Variants in RTN4RL1 observed in about 807,000 individuals in gnomAD.
The protein encoded by RTN4RL1 is reticulon-4 receptor-like 1.
A neutral mutation model predicts 25.6 loss-of-function variants in RTN4RL1; 7 were observed. That is an observed-to-expected ratio of 0.27 (90% confidence interval 0.16 to 0.51). RTN4RL1 has a LOEUF of 0.51. Among genes scored for constraint, RTN4RL1 ranks in the 20% least tolerant of loss-of-function variants. The pLI is 0.97. For synonymous variants in RTN4RL1, 297 were observed against 288.2 expected, an observed-to-expected ratio of 1.03 and a Z score of -0.31; for missense variants, 500 against 615.6, an observed-to-expected ratio of 0.81 and a Z score of 1.99.
At chr17:2,018,757 A>G (rs2151330285) in intron 1 of RTN4RL1, among the ~76,000 whole-genome samples, 1 of 152,138 alleles carries the variant, frequency 6.6e-6, no homozygotes, top group Middle Eastern at 3.4e-3. Context: ...ACACGGAGGA[A>G]TGAGCACAGA....
chr17:1,970,329 T>C (rs1351869587), intron 1 of RTN4RL1, among the ~76,000 whole-genome samples: 1 of 152,160 alleles, frequency 6.6e-6, no homozygotes, highest in Non-Finnish European at 1.5e-5. Context: ...CGAGGATTTC[T>C]CCTCTTAATG....
At position 1,939,185 on chromosome 17, in the gene RTN4RL1, T is replaced by C. The variant is rs368719977; in HGVS notation, c.14-1377A>G. Reference sequence around the variant, plus strand: ...GGCTAACACGGCGAAACCCCGTCTCTACTAAAAATACAAAAAAATTAGCCG... The same window carrying C: ...GGCTAACACGGCGAAACCCCGTCTCCACTAAAAATACAAAAAAATTAGCCG... On this transcript the variant is annotated intron_variant, in intron 1 of 1. Coordinates refer to ENST00000331238, the MANE Select transcript of RTN4RL1 (RefSeq NM_178568.4). Among the ~76,000 whole-genome samples, 22 of 151,630 alleles carry C rather than the reference T, an allele frequency of 1.5e-4. No homozygotes were observed. The East Asian group carries it at 2.3e-3, about 16-fold the overall frequency.
At chr17:1,964,801 T>C (rs113015277) in intron 1 of RTN4RL1, among the ~76,000 whole-genome samples, 11,682 of 147,790 alleles carry the variant, frequency 0.079, 479 homozygotes, top group Non-Finnish European at 0.1. Flanking sequence ...TTTTTTTTTT[T>C]TTTTTGAGAT....
At chr17:2,011,945 C>T (rs899191470) in intron 1 of RTN4RL1, among the ~76,000 whole-genome samples, 1 of 152,058 alleles carries the variant, frequency 6.6e-6, no homozygotes, top group African/African-American at 2.4e-5. Context: ...CTTTTTAAAC[C>T]GCAGGCCTGA....
At chr17:1,976,406 A>G (rs926721648) in intron 1 of RTN4RL1, among the ~76,000 whole-genome samples, 3 of 152,206 alleles carry the variant, frequency 2.0e-5, no homozygotes, top group African/African-American at 7.2e-5. Context: ...TCTCAGTTTC[A>G]CTGTAAGGTT....
intron 1 of RTN4RL1, among the ~76,000 whole-genome samples, chr17:1,938,944 G>A (rs1007233356): frequency 5.3e-5 from 8 of 152,014 alleles, no homozygotes; most frequent in African/African-American, 1.9e-4. Context: ...TACTCAGGAG[G>A]CTGAGGCAGG....
chr17:1,955,169 G>C (rs962106499), intron 1 of RTN4RL1, among the ~76,000 whole-genome samples: 2 of 152,176 alleles, frequency 1.3e-5, no homozygotes, highest in African/African-American at 4.8e-5. Context: ...AGCCCAGGTA[G>C]CATTTAGCAT....
At chr17:1,981,495 C>T (rs926503154) in intron 1 of RTN4RL1, among the ~76,000 whole-genome samples, 1 of 152,206 alleles carries the variant, frequency 6.6e-6, no homozygotes, top group Non-Finnish European at 1.5e-5. Context: ...CTGGGCCTTC[C>T]CTCCCTTTTG....
At chr17:2,005,739 T>TTCTCTC (rs61209329) in intron 1 of RTN4RL1, among the ~76,000 whole-genome samples, 5,186 of 145,070 alleles carry the variant, frequency 0.036, 112 homozygotes, top group African/African-American at 0.046. Context: ...CTCTCTCTCT[T>TTCTCTC]TCTCTCTCTC....
intron 1 of RTN4RL1, among the ~76,000 whole-genome samples, chr17:2,014,560 G>A (rs893649994): frequency 2.0e-5 from 3 of 152,162 alleles, no homozygotes; most frequent in East Asian, 1.9e-4. Flanking sequence ...GGCTGGGCAC[G>A]GTGGCTCATG....
rs886941606 is a variant in RTN4RL1, at chr17:1,948,673, G to A, written c.14-10865C>T. Among the ~76,000 whole-genome samples, 3 of 152,236 alleles carry A rather than the reference G, an allele frequency of 2.0e-5. No homozygotes were observed. In the East Asian group the frequency reaches 5.8e-4, roughly 29 times the overall value. On this transcript the variant is annotated intron_variant, in intron 1 of 1. Coordinates refer to ENST00000331238, the MANE Select transcript of RTN4RL1 (RefSeq NM_178568.4). ...TGATACCATAGGTGTGTTTAGTGGG[G>A]CAGGGGTTACCTCCGTGGCGACGAG...
chr17:2,005,773 T>TC (rs1416312784), intron 1 of RTN4RL1, among the ~76,000 whole-genome samples: 64 of 140,536 alleles, frequency 4.6e-4, no homozygotes, highest in Non-Finnish European at 2.9e-4. Context: ...CTCCTTCTCT[T>TC]TCTTTTTTCT....
chr17:1,961,212 G>A (rs969664824), intron 1 of RTN4RL1, among the ~76,000 whole-genome samples: 3 of 152,210 alleles, frequency 2.0e-5, no homozygotes, highest in Admixed American at 2.0e-4. Flanking sequence ...AAGGAAGGAA[G>A]AAAGCGGTGC....
intron 1 of RTN4RL1, among the ~76,000 whole-genome samples, chr17:2,007,337 AACACACACACACACACACAC>A (rs34669886): frequency 2.9e-5 from 4 of 140,306 alleles, no homozygotes; most frequent in East Asian, 4.2e-4. Context: ...TCACAGCCCC[AACACACACACACACACACAC>A]ACACACACAC....
chr17:2,001,950 G>C (rs905310725), intron 1 of RTN4RL1, among the ~76,000 whole-genome samples: 7 of 151,598 alleles, frequency 4.6e-5, no homozygotes, highest in African/African-American at 1.2e-4. Context: ...GGGAGGGAGT[G>C]GGGGGAGCTC....
chr17:1,969,533 T>C (rs2066808808), intron 1 of RTN4RL1, among the ~76,000 whole-genome samples: 1 of 152,210 alleles, frequency 6.6e-6, no homozygotes, highest in Non-Finnish European at 1.5e-5. Context: ...GATGAGCTGC[T>C]TCCCCTTAGC....
Position 2,025,067 on chromosome 17 carries a change from G to T in RTN4RL1, c.-202C>A. The stretch of plus-strand genomic sequence containing the variant: ...GCGCCGAGGGCACCGGCGCCCGCAA[G>T]CAACCGTGGTGCTGCCCGGCAGCCC... On this transcript the variant is annotated 5_prime_UTR_variant, in exon 1 of 2. Transcript: ENST00000331238. The surrounding 1 kb of genome is among the most constrained non-coding windows in gnomAD (Gnocchi z 4.8). 2.2e-6 allele frequency: 1 copy of T among 445,688 alleles called. No individual in the cohort carries two copies. The highest frequency in any genetic ancestry group is 3.9e-6 in the Non-Finnish European group (1 of 255,478). The allele number at this position is 445,688 out of a possible 1,614,324, so 27.6% of individuals were successfully genotyped here. A position where few individuals can be genotyped will look rare whatever the true frequency, so the allele number is the denominator to read the frequency against.
At chr17:1,966,167 T>C (rs972174883) in intron 1 of RTN4RL1, among the ~76,000 whole-genome samples, 2 of 152,104 alleles carry the variant, frequency 1.3e-5, no homozygotes, top group African/African-American at 4.8e-5. Flanking sequence ...CAGCGCCTAA[T>C]TACATTCCAA....
chr17:1,979,589 C>G (rs986179382), intron 1 of RTN4RL1, among the ~76,000 whole-genome samples: 6 of 152,238 alleles, frequency 3.9e-5, no homozygotes, highest in African/African-American at 1.4e-4. Flanking sequence ...CTCACCCTGT[C>G]TTGGCCCTAG....
Sources: gnomAD v4.1 joint callset for allele counts (sites outside exome capture counted in the v4.1 genomes callset) on GRCh38, gnomAD v4.1.1 for gene constraint, Gnocchi (gnomAD v3.1) non-coding constraint, MANE v1.5 for transcripts, NCBI Gene and HGNC (gene_info 2026-07-23, HGNC 2026-07-21) for gene names.